OLFML1: variants seen among roughly 807,000 people sequenced by gnomAD.
The protein encoded by OLFML1 is olfactomedin-like protein 1.
In OLFML1, 33 loss-of-function variants were observed where a neutral mutation model predicts 37.3. The observed-to-expected ratio is 0.88, with a 90% confidence interval of 0.67 to 1.18. The LOEUF is 1.18. Among genes scored for constraint, OLFML1 ranks in the 50% most tolerant of loss-of-function variants. The pLI is 0.00. For synonymous variants in OLFML1, 186 were observed against 181.3 expected (o/e 1.03, Z -0.21); for missense variants, 545 against 483.7 (o/e 1.13, Z -1.19).
chr11:7,489,272 G>A (rs1198788933), intron 2 of OLFML1, among the ~76,000 whole-genome samples: 1 of 152,084 alleles, frequency 6.6e-6, no homozygotes, highest in East Asian at 1.9e-4. Flanking sequence ...ATAAGGAAAA[G>A]GGTCTTCCTA....
intron 2 of OLFML1, among the ~76,000 whole-genome samples, chr11:7,506,916 G>A (rs1848792543): frequency 2.0e-5 from 3 of 152,168 alleles, no homozygotes; most frequent in Non-Finnish European, 4.4e-5. Flanking sequence ...TGTGGTGAGT[G>A]GGATATTGGA....
At chr11:7,495,424 C>T (rs1342476155) in intron 2 of OLFML1, among the ~76,000 whole-genome samples, 1 of 152,098 alleles carries the variant, frequency 6.6e-6, no homozygotes, top group Non-Finnish European at 1.5e-5. Context: ...AAGTAATACT[C>T]ACGAATTAAA....
At chr11:7,501,270 G>A (rs933976489) in intron 2 of OLFML1, among the ~76,000 whole-genome samples, 2 of 152,170 alleles carry the variant, frequency 1.3e-5, no homozygotes, top group Non-Finnish European at 2.9e-5. Context: ...GCAGCCTATG[G>A]CCCCCAGTAG....
chr11:7,492,456 T>C (rs935953904), intron 2 of OLFML1, among the ~76,000 whole-genome samples: 4 of 152,246 alleles, frequency 2.6e-5, no homozygotes, highest in Admixed American at 6.5e-5. Context: ...TTGGAAAATT[T>C]AACCTTGTAT....
In OLFML1 at chr11:7,510,020, A is replaced by T; in HGVS notation, c.1041A>T (p.Pro347=). ...GPHRITCIYD[P]LGTISEEDLP... is the part of the protein sequence containing the mutation. Reference sequence around the variant, plus strand: ...ATCGCATCACCTGCATCTATGATCCACTGGGCACTATCAGTGAGGAGGACT... The same window carrying T: ...ATCGCATCACCTGCATCTATGATCCTCTGGGCACTATCAGTGAGGAGGACT... Residue 347 remains proline, a synonymous_variant, in exon 3 of 3, where the codon CCA becomes CCT. Coordinates refer to ENST00000329293, the MANE Select transcript of OLFML1 (RefSeq NM_198474.4). 1.2e-6 allele frequency: 2 copies of T among 1,614,260 alleles called. No homozygotes were observed. The highest frequency in any genetic ancestry group is 1.7e-6 in the Non-Finnish European group (2 of 1,180,048).
chr11:7,504,760 G>A (rs1418473110), intron 2 of OLFML1: 2 of 152,194 alleles, frequency 1.3e-5, no homozygotes, highest in Non-Finnish European at 2.9e-5. Flanking sequence ...TAACATGCTT[G>A]CTTACCTCCG....
intron 2 of OLFML1, among the ~76,000 whole-genome samples, chr11:7,494,780 TGA>T (rs1034285957): frequency 6.6e-6 from 1 of 152,140 alleles, no homozygotes; most frequent in African/African-American, 2.4e-5. Flanking sequence ...AGCCTTCTGT[TGA>T]GAGTAGGTGC....
rs751419995 is a variant in OLFML1, at chr11:7,486,004, G to T, written c.129G>T (p.Glu43Asp). The stretch of plus-strand genomic sequence containing the variant: ...TCTACCAGCGCTTTCGAGTCTTGGA[G>T]GTAGGTGGCATCTGTACACCTTGGA... Reference protein sequence around the residue: ...HYIYQRFRVLEQGLEKCTQAT... With the variant: ...HYIYQRFRVLDQGLEKCTQAT... The change falls in exon 1 of 3, where the codon GAG (glutamate) becomes GAT (aspartate). Residue 43 changes from glutamate to aspartate, a missense_variant and splice_region_variant. Transcript: ENST00000329293. 1 of 1,613,902 alleles carries T rather than the reference G, an allele frequency of 6.2e-7. No homozygotes were observed. Among genetic ancestry groups the T allele is most frequent in the South Asian group, 1.1e-5 (1 of 91,042 alleles).
chr11:7,492,393 C>T (rs1376272885), intron 2 of OLFML1, among the ~76,000 whole-genome samples: 4 of 152,134 alleles, frequency 2.6e-5, no homozygotes, highest in Non-Finnish European at 5.9e-5. Flanking sequence ...TTCATATGTA[C>T]GCATTGTCTT....
At chr11:7,495,648 G>C (rs139711894) in intron 2 of OLFML1, among the ~76,000 whole-genome samples, 2 of 152,086 alleles carry the variant, frequency 1.3e-5, no homozygotes, top group East Asian at 3.9e-4. Flanking sequence ...CATTTATGCT[G>C]TGCCTGGAAC....
intron 2 of OLFML1, chr11:7,488,794 G>A (rs1398987597): frequency 1.2e-5 from 2 of 165,732 alleles, no homozygotes; most frequent in Non-Finnish European, 2.6e-5. Flanking sequence ...GATAGCATCT[G>A]CAAATGTACC....
In OLFML1 at chr11:7,488,416, G is replaced by A; in HGVS notation, c.418+1G>A. The A allele has an allele frequency of 6.2e-7, 1 of 1,608,166 alleles. No individual in the cohort carries two copies. The highest frequency in any genetic ancestry group is 1.1e-5 in the South Asian group (1 of 90,140). ...AAGATCCGGACTCTGCTGAATGCAA[G>A]TAAGAAAACTGCATCTTTTCCTAGC... On this transcript the variant is annotated splice_donor_variant, in intron 2 of 2. Transcript: ENST00000329293. LOFTEE classifies it high-confidence loss of function.
chr11:7,488,602 A>G, intron 2 of OLFML1, 187 bp downstream of exon 2: 2 of 499,028 alleles, frequency 4.0e-6, no homozygotes, highest in Non-Finnish European at 7.1e-6. Context: ...ATTCTCGCAA[A>G]GCCATTCTTT....
Position 7,485,578 on chromosome 11 carries a change from T to G in OLFML1, c.-298T>G. On this transcript the variant is annotated 5_prime_UTR_variant, in exon 1 of 3. Transcript: ENST00000329293. ...CTTGCAACCACTAGCCTGGGGAGGG[T>G]CCGCATGTGTCAAGGGTGAGGGCAA... The G allele has an allele frequency of 6.5e-6, 2 of 307,870 alleles. No homozygotes were observed. The highest frequency in any genetic ancestry group is 1.2e-5 in the Non-Finnish European group (2 of 166,278). The allele number at this position is 307,870 out of a possible 1,614,324, so 19.1% of individuals were successfully genotyped here. A position where few individuals can be genotyped will look rare whatever the true frequency, so the allele number is the denominator to read the frequency against.
intron 2 of OLFML1, among the ~76,000 whole-genome samples, chr11:7,504,243 G>A (rs1291069328): frequency 6.6e-6 from 1 of 152,090 alleles, no homozygotes; most frequent in South Asian, 2.1e-4. Context: ...AAGTCCCCAA[G>A]GCAGGAGTGT....
Position 7,488,267 on chromosome 11 carries a change from G to A in OLFML1, c.270G>A (p.Leu90=). 6.2e-7 allele frequency: 1 copy of A among 1,614,126 alleles called. No individual in the cohort carries two copies. The highest frequency in any genetic ancestry group is 1.1e-5 in the South Asian group (1 of 91,084). ...EYKSAVGNLA[L]RVERAQREID... is the part of the protein sequence containing the mutation. Reference sequence around the variant, plus strand: ...AGAGTGCAGTGGGTAACTTGGCACTGAGAGTTGAACGTGCCCAACGGGAGA... The same window carrying A: ...AGAGTGCAGTGGGTAACTTGGCACTAAGAGTTGAACGTGCCCAACGGGAGA... Residue 90 remains leucine (L), a synonymous_variant, in exon 2 of 3, where the codon CTG becomes CTA. Coordinates refer to ENST00000329293, the MANE Select transcript of OLFML1 (RefSeq NM_198474.4).
intron 2 of OLFML1, among the ~76,000 whole-genome samples, chr11:7,498,800 C>T (rs1453500678): frequency 6.6e-6 from 1 of 152,180 alleles, no homozygotes; most frequent in African/African-American, 2.4e-5. Context: ...ATCTCATGTA[C>T]CCTATCACCC....
chr11:7,494,050 TG>T (rs1848633830), intron 2 of OLFML1, among the ~76,000 whole-genome samples: 1 of 152,140 alleles, frequency 6.6e-6, no homozygotes. Context: ...GCCATGTAGA[TG>T]GGGGGATTAT....
At chr11:7,509,338 C>G in intron 2 of OLFML1, 60 bp from the exon 3 acceptor site, 2 of 1,344,104 alleles carry the variant, frequency 1.5e-6, no homozygotes, top group Admixed American at 2.2e-5. Flanking sequence ...GGGGAGCCTT[C>G]CAGAAAGCAG....
Sources: allele counts gnomAD v4.1 joint callset (sites outside exome capture counted in the v4.1 genomes callset), GRCh38; gene constraint gnomAD v4.1.1; transcripts MANE v1.5; gene names NCBI Gene and HGNC (gene_info 2026-07-23, HGNC 2026-07-21).